Variants in BEND5 observed in about 807,000 individuals in gnomAD.
BEND5 encodes the protein BEN domain containing 5.
Under a neutral mutation model 43.9 loss-of-function variants are expected in BEND5, and 22 were observed. That is an observed-to-expected ratio of 0.50 (90% confidence interval 0.36 to 0.72). The LOEUF is 0.72. BEND5 is among the 30% of genes least tolerant of loss of function. The pLI is 0.00. For missense variants in BEND5, 428 were observed against 550.6 expected (o/e 0.78, Z 2.23); for synonymous variants, 228 against 225.9 (o/e 1.01, Z -0.08).
Position 48,761,358 on chromosome 1 carries a change from A to G in BEND5, c.339T>C (p.Asp113=). The G allele has an allele frequency of 6.4e-7, 1 of 1,551,972 alleles. No individual in the cohort carries two copies. The highest frequency in any genetic ancestry group is 2.4e-5 in the East Asian group (1 of 40,918). The change falls in exon 2 of 6, where the codon GAT becomes GAC. Residue 113 remains aspartate (D), a synonymous_variant. Coordinates refer to ENST00000371833, the MANE Select transcript of BEND5 (RefSeq NM_024603.4). ...DGEVKDYGEE[D]LQLRHIKRPE... is the part of the protein sequence containing the mutation. ...TTACCTTGATGTGTCTAAGCTGTAAATCTTCTTCCCCATAATCTTTAACCT... is the reference window on the plus strand; with the variant it reads ...TTACCTTGATGTGTCTAAGCTGTAAGTCTTCTTCCCCATAATCTTTAACCT...
chr1:48,768,742 A>C (rs1476668897), intron 1 of BEND5, among the ~76,000 whole-genome samples: 1 of 152,242 alleles, frequency 6.6e-6, no homozygotes, highest in Non-Finnish European at 1.5e-5. Flanking sequence ...CTGAAAGGCT[A>C]CACATAAAAT....
At chr1:48,765,622 A>G (rs1268085096) in intron 1 of BEND5, among the ~76,000 whole-genome samples, 2 of 152,238 alleles carry the variant, frequency 1.3e-5, no homozygotes, top group South Asian at 4.1e-4. Flanking sequence ...ACAAATGTTC[A>G]TAACAGCATT....
Position 48,761,304 on chromosome 1 carries a change from G to C in BEND5, c.360+33C>G, listed in dbSNP as rs1644244759. On this transcript the variant is annotated intron_variant, in intron 2 of 5. Coordinates refer to ENST00000371833, the MANE Select transcript of BEND5 (RefSeq NM_024603.4). ...CTACGAGATATCTGAAAATGCTCCA[G>C]CATACCTCCAAAGAAAGGAAAGATT... 7.8e-6 allele frequency: 12 copies of C among 1,533,940 alleles called. No individual in the cohort carries two copies. In the East Asian group the frequency reaches 2.9e-4, roughly 38 times the overall value.
rs1644116603 is a variant in BEND5 at position 48,759,117 on chromosome 1, A to G, written c.528T>C (p.Ala176=). Residue 176 remains alanine (A), a synonymous_variant, in exon 3 of 6, where the codon GCT becomes GCC. Transcript: ENST00000371833. ...CCTCATACAGAGCCCGGGGCACCAC[A>G]GCATCTTCTAGACTGTCCATGTCCT... ...GTEDMDSLED[A]VVPRALYEEL... 1 of 1,612,418 alleles carries G rather than the reference A, an allele frequency of 6.2e-7. No homozygotes were observed. Among genetic ancestry groups the G allele is most frequent in the East Asian group, 2.2e-5 (1 of 44,852 alleles).
At chr1:48,750,959 G>C (rs919893689) in intron 3 of BEND5, among the ~76,000 whole-genome samples, 1 of 152,198 alleles carries the variant, frequency 6.6e-6, no homozygotes, top group African/African-American at 2.4e-5. Flanking sequence ...TCTGGGACCT[G>C]CTGAATCCTG....
At chr1:48,771,889 G>A (rs1644854950) in intron 1 of BEND5, among the ~76,000 whole-genome samples, 1 of 152,346 alleles carries the variant, frequency 6.6e-6, no homozygotes, top group South Asian at 2.1e-4. Context: ...GTTTCTTCTA[G>A]CTAGTTGAGG....
At chr1:48,759,539 C>G (rs999551768) in intron 2 of BEND5, among the ~76,000 whole-genome samples, 13 of 152,222 alleles carry the variant, frequency 8.5e-5, no homozygotes, top group African/African-American at 2.9e-4. Flanking sequence ...CCCAGGCCTG[C>G]ACTTTTTCCT....
chr1:48,767,527 G>A (rs1644590113), intron 1 of BEND5, among the ~76,000 whole-genome samples: 1 of 152,186 alleles, frequency 6.6e-6, no homozygotes, highest in Non-Finnish European at 1.5e-5. Context: ...ACAAGAAGCT[G>A]TAACTCTTGA....
intron 3 of BEND5, among the ~76,000 whole-genome samples, chr1:48,755,120 CT>C (rs958186170): frequency 4.6e-5 from 7 of 152,174 alleles, no homozygotes; most frequent in African/African-American, 1.7e-4. Flanking sequence ...CTGAAACATA[CT>C]CTCTTGCTGC....
At chr1:48,731,174 AC>A (rs1648069700) in intron 5 of BEND5, among the ~76,000 whole-genome samples, 2 of 152,236 alleles carry the variant, frequency 1.3e-5, no homozygotes, top group African/African-American at 4.8e-5. Flanking sequence ...CATGGGAAGA[AC>A]CAACCAAATG....
At chr1:48,761,310 C>G in intron 2 of BEND5, 27 bp downstream of exon 2, 1 of 1,538,434 alleles carries the variant, frequency 6.5e-7, no homozygotes, top group African/African-American at 1.4e-5. Flanking sequence ...TCCAGCATAC[C>G]TCCAAAGAAA....
At chr1:48,728,361 C>T (rs1647520779) in intron 5 of BEND5, among the ~76,000 whole-genome samples, 2 of 151,552 alleles carry the variant, frequency 1.3e-5, no homozygotes, top group South Asian at 4.2e-4. Flanking sequence ...AACCATTCTC[C>T]TGAACTTTTG....
At chr1:48,763,245 G>A (rs1644367215) in intron 1 of BEND5, among the ~76,000 whole-genome samples, 1 of 152,210 alleles carries the variant, frequency 6.6e-6, no homozygotes, top group South Asian at 2.1e-4. Context: ...GAGTGGAGGA[G>A]CAATCCTTGG....
intron 5 of BEND5, among the ~76,000 whole-genome samples, chr1:48,728,702 C>T (rs1347482315): frequency 1.3e-5 from 2 of 152,164 alleles, no homozygotes; most frequent in Non-Finnish European, 2.9e-5. Flanking sequence ...CCAGTATCAG[C>T]CTAGGCGTGG....
rs142762756 is a variant in BEND5, at chr1:48,774,861, C to G, written c.226+1745G>C. 4.7e-3 allele frequency among the ~76,000 whole-genome samples: 712 copies of G among 152,270 alleles called. 4 individuals are homozygous for G. The highest frequency in any genetic ancestry group is 0.016 in the African/African-American group (673 of 41,542). ...AACAATCTCCAAGAGAGGAAAACAG[C>G]CATTACACACTAAGAAACTTATCAC... On this transcript the variant is annotated intron_variant, in intron 1 of 5. Transcript: ENST00000371833.
At chr1:48,746,588 C>T (rs1041382814) in intron 3 of BEND5, among the ~76,000 whole-genome samples, 9 of 152,222 alleles carry the variant, frequency 5.9e-5, no homozygotes, top group East Asian at 1.9e-4. Context: ...GAAAGCTCTC[C>T]GCAACAGCCT....
chr1:48,751,614 C>T (rs1308240355), intron 3 of BEND5, among the ~76,000 whole-genome samples: 1 of 152,226 alleles, frequency 6.6e-6, no homozygotes, highest in Non-Finnish European at 1.5e-5. Context: ...GTAATGAACA[C>T]TTTCCCACCT....
Position 48,776,848 on chromosome 1 carries a change from G to A in BEND5, c.-17C>T. ...GGCGTACATGGTGGGCGCCGGGGGC[G>A]GGCCCCGGTCGGGCAGCTCAGCCCG... On this transcript the variant is annotated 5_prime_UTR_variant, in exon 1 of 6. Transcript: ENST00000371833. The A allele has an allele frequency of 9.4e-6, 14 of 1,490,224 alleles. No homozygotes were observed. The highest frequency in any genetic ancestry group is 1.2e-5 in the Non-Finnish European group (14 of 1,121,432). The allele number at this position is 1,490,224 out of a possible 1,614,324, so 92.3% of individuals were successfully genotyped here.
At chr1:48,756,281 C>G (rs990004675) in intron 3 of BEND5, among the ~76,000 whole-genome samples, 1 of 152,192 alleles carries the variant, frequency 6.6e-6, no homozygotes, top group Non-Finnish European at 1.5e-5. Flanking sequence ...CTTCAGGAAG[C>G]CTTCCTTCTC....
Sources: gnomAD v4.1 joint callset for allele counts (sites outside exome capture counted in the v4.1 genomes callset) on GRCh38, gnomAD v4.1.1 for gene constraint, MANE v1.5 for transcripts, NCBI Gene and HGNC (gene_info 2026-07-23, HGNC 2026-07-21) for gene names.